The following CCDC7 variants were observed in gnomAD, a reference collection of about 807,000 sequenced individuals.
The protein encoded by CCDC7 is coiled-coil domain containing 7, also known as coiled-coil domain-containing protein 7.
Under a neutral mutation model 196.9 loss-of-function variants are expected in CCDC7, and 183 were observed. That is an observed-to-expected ratio of 0.93 (90% confidence interval 0.82 to 1.05). CCDC7 has a LOEUF of 1.05. Among genes scored for constraint, CCDC7 ranks in the 50% least tolerant of loss-of-function variants. The pLI is 0.00. For synonymous variants in CCDC7, 525 were observed against 484.6 expected, an observed-to-expected ratio of 1.08 and a Z score of -1.10; for missense variants, 1,540 against 1,482.2, an observed-to-expected ratio of 1.04 and a Z score of -0.64.
intron 28 of CCDC7, among the ~76,000 whole-genome samples, chr10:32,775,146 G>A (rs1167218603): frequency 2.0e-5 from 3 of 152,082 alleles, no homozygotes; most frequent in Admixed American, 6.6e-5. Flanking sequence ...TGCTATAAAG[G>A]CATATTAGGC....
At chr10:32,779,213 A>G (rs1048854171) in intron 29 of CCDC7, 129 bp downstream of exon 30, 8 of 644,614 alleles carry the variant, frequency 1.2e-5, no homozygotes, top group Non-Finnish European at 2.0e-5. Context: ...AGTTCATTCT[A>G]CTCAATCAAT....
intron 9 of CCDC7, among the ~76,000 whole-genome samples, chr10:32,494,551 C>T (rs2042621757): frequency 6.6e-6 from 1 of 152,178 alleles, no homozygotes; most frequent in Non-Finnish European, 1.5e-5. Flanking sequence ...CTCTAGGCCC[C>T]CACCTGCTGA....
At chr10:32,777,208 ATT>A (rs1480212823) in intron 28 of CCDC7, among the ~76,000 whole-genome samples, 1 of 152,034 alleles carries the variant, frequency 6.6e-6, no homozygotes, top group Non-Finnish European at 1.5e-5. Flanking sequence ...AAAAGACATG[ATT>A]TTGTTCTTTT....
intron 20 of CCDC7, among the ~76,000 whole-genome samples, chr10:32,655,042 A>G (rs2069526950): frequency 6.6e-6 from 1 of 152,200 alleles, no homozygotes; most frequent in Admixed American, 6.5e-5. Flanking sequence ...GTCAGGTCAA[A>G]TAGATATATA....
chr10:32,458,568 C>T (rs1047248179), intron 3 of CCDC7, among the ~76,000 whole-genome samples: 29 of 151,046 alleles, frequency 1.9e-4, no homozygotes, highest in Admixed American at 1.5e-3. Flanking sequence ...ACTGCAGCCT[C>T]GAACTCCTGG....
At chr10:32,711,874 A>G (rs912180447) in intron 25 of CCDC7, 144 bp downstream of exon 26, 1 of 452,538 alleles carries the variant, frequency 2.2e-6, no homozygotes, top group African/African-American at 2.1e-5. Context: ...AACTCAAGAA[A>G]GAAAACAAAG....
intron 21 of CCDC7, among the ~76,000 whole-genome samples, chr10:32,671,429 A>G (rs887819601): frequency 2.4e-4 from 36 of 152,182 alleles, no homozygotes; most frequent in Non-Finnish European, 4.7e-4. Context: ...GTAGTAGGCT[A>G]TACCATGTAG....
At chr10:32,630,805 T>C (rs1008204459) in intron 18 of CCDC7, among the ~76,000 whole-genome samples, 2 of 152,196 alleles carry the variant, frequency 1.3e-5, no homozygotes, top group Non-Finnish European at 2.9e-5. Flanking sequence ...TTTTATAATT[T>C]ATATGCTGTG....
At chr10:32,549,955 T>C (rs537385525) in intron 13 of CCDC7, among the ~76,000 whole-genome samples, 14 of 152,218 alleles carry the variant, frequency 9.2e-5, no homozygotes, top group African/African-American at 3.4e-4. Flanking sequence ...TGAAGAATTA[T>C]GGTGGTATTT....
At chr10:32,524,941 G>T (rs989768184) in intron 11 of CCDC7, among the ~76,000 whole-genome samples, 9 of 152,026 alleles carry the variant, frequency 5.9e-5, no homozygotes, top group African/African-American at 2.2e-4. Flanking sequence ...GAAGTTGTTT[G>T]ATATTATCCC....
At chr10:32,669,272 G>T (rs942594995) in intron 21 of CCDC7, among the ~76,000 whole-genome samples, 2 of 152,036 alleles carry the variant, frequency 1.3e-5, no homozygotes, top group African/African-American at 4.8e-5. Flanking sequence ...ATTCTTCTTT[G>T]AATGTGCTGT....
intron 28 of CCDC7, among the ~76,000 whole-genome samples, chr10:32,741,782 A>G (rs903961277): frequency 6.6e-6 from 1 of 152,146 alleles, no homozygotes; most frequent in Non-Finnish European, 1.5e-5. Flanking sequence ...CAATTCTCCC[A>G]TTGTGAGTGT....
intron 13 of CCDC7, among the ~76,000 whole-genome samples, chr10:32,552,354 C>T (rs977404238): frequency 3.3e-5 from 5 of 152,286 alleles, no homozygotes; most frequent in Non-Finnish European, 5.9e-5. Flanking sequence ...ATCCATTCTG[C>T]AGTTCTGTGT....
At chr10:32,448,180 A>G (rs1461370842), upstream of CCDC7, among the ~76,000 whole-genome samples, 1 of 152,166 alleles carries the variant, frequency 6.6e-6, no homozygotes. Context: ...AAACATTTTC[A>G]GTGCTATTAA....
At chr10:32,583,413 C>T in intron 17 of CCDC7, 106 bp downstream of exon 18, 1 of 761,392 alleles carries the variant, frequency 1.3e-6, no homozygotes, top group Non-Finnish European at 1.8e-6. Flanking sequence ...TTTCTTATTT[C>T]AAGAGAATTA....
intron 20 of CCDC7, among the ~76,000 whole-genome samples, chr10:32,657,062 G>T (rs1462190728): frequency 1.3e-5 from 2 of 152,242 alleles, no homozygotes; most frequent in Non-Finnish European, 2.9e-5. Context: ...AGGGCACACT[G>T]GTGCAAGAGG....
At chr10:32,626,468 T>C (rs2064058143) in intron 18 of CCDC7, among the ~76,000 whole-genome samples, 1 of 152,018 alleles carries the variant, frequency 6.6e-6, no homozygotes, top group South Asian at 2.1e-4. Context: ...ATTAAATCCT[T>C]GATGAATGTA....
intron 13 of CCDC7, among the ~76,000 whole-genome samples, chr10:32,544,609 A>C (rs1399908651): frequency 1.3e-5 from 2 of 152,178 alleles, no homozygotes; most frequent in Non-Finnish European, 2.9e-5. Flanking sequence ...ATCAGGAGTC[A>C]GAACAGCAAC....
chr10:32,530,268 C>G (rs1291171734), intron 11 of CCDC7, among the ~76,000 whole-genome samples: 3 of 152,026 alleles, frequency 2.0e-5, no homozygotes, highest in African/African-American at 7.2e-5. Context: ...TTTTTTCATT[C>G]CACATGAATT....
Sources: allele counts gnomAD v4.1 joint callset (sites outside exome capture counted in the v4.1 genomes callset), GRCh38; gene constraint gnomAD v4.1.1; transcripts MANE v1.5; gene names NCBI Gene and HGNC (gene_info 2026-07-23, HGNC 2026-07-21).